The following KMT2C variants were observed in gnomAD, a reference collection of about 807,000 sequenced individuals.
KMT2C encodes the protein histone-lysine N-methyltransferase 2C.
KMT2C carries 88 observed loss-of-function variants against 507.9 expected under a neutral mutation model. That is an observed-to-expected ratio of 0.17 (90% CI 0.15 to 0.21). The LOEUF (loss-of-function observed/expected upper bound fraction) is 0.21. Ranked by LOEUF, KMT2C falls within the 10% of genes least tolerant of loss-of-function variation. The pLI, the probability that KMT2C is intolerant of heterozygous loss-of-function variation, is 1.00. For missense variants in KMT2C, 4,954 were observed against 5,957.8 expected (o/e 0.83, Z 5.55); for synonymous variants, 2,049 against 2,080.8 (o/e 0.98, Z 0.42).
intron 1 of KMT2C, among the ~76,000 whole-genome samples, chr7:152,433,887 G>T (rs113978329): frequency 1.6e-3 from 241 of 152,410 alleles, no homozygotes; most frequent in African/African-American, 5.5e-3. Flanking sequence ...GCACAAGCAC[G>T]CCCTTACAGG....
intron 1 of KMT2C, among the ~76,000 whole-genome samples, chr7:152,416,361 C>T (rs1379874485): frequency 1.3e-5 from 2 of 152,304 alleles, no homozygotes; most frequent in Non-Finnish European, 2.9e-5. Context: ...CTAGCTAACA[C>T]GGTGAAACCC....
At chr7:152,263,596 A>G (rs2095815552) in intron 8 of KMT2C, among the ~76,000 whole-genome samples, 1 of 152,216 alleles carries the variant, frequency 6.6e-6, no homozygotes. Context: ...TAAACAACTT[A>G]GACTAAAGCT....
chr7:152,200,715 G>C (rs1402185177), intron 26 of KMT2C, among the ~76,000 whole-genome samples: 2 of 152,120 alleles, frequency 1.3e-5, no homozygotes, highest in Admixed American at 6.5e-5. Context: ...CAGTGACAGA[G>C]TGAGGCTGTC....
chr7:152,240,615 T>G (rs1342727171), intron 14 of KMT2C, among the ~76,000 whole-genome samples: 1 of 152,294 alleles, frequency 6.6e-6, no homozygotes, highest in Non-Finnish European at 1.5e-5. Context: ...CCTCTTAAGT[T>G]TGCCATGTTT....
At chr7:152,169,866 A>G (rs1356409461) in intron 40 of KMT2C, among the ~76,000 whole-genome samples, 3 of 152,164 alleles carry the variant, frequency 2.0e-5, no homozygotes, top group African/African-American at 7.2e-5. Flanking sequence ...AAAAATAAAT[A>G]AAAAGTATTT....
intron 55 of KMT2C, among the ~76,000 whole-genome samples, chr7:152,142,512 G>A (rs909216527): frequency 6.6e-6 from 1 of 152,206 alleles, no homozygotes; most frequent in African/African-American, 2.4e-5. Context: ...TGCAGTAAGA[G>A]ACTTTTTAGA....
intron 37 of KMT2C, among the ~76,000 whole-genome samples, chr7:152,179,059 C>T (rs561010149): frequency 1.3e-5 from 2 of 152,142 alleles, no homozygotes; most frequent in East Asian, 1.9e-4. Context: ...GGCGTGACCT[C>T]GGCTCACTGC....
At position 152,163,184 on chromosome 7, in the gene KMT2C, G is replaced by A; in HGVS notation, c.10393C>T (p.Pro3465Ser). The A allele has an allele frequency of 1.2e-6, 2 of 1,614,188 alleles. No homozygotes were observed. Among genetic ancestry groups the A allele is most frequent in the Non-Finnish European group, 1.7e-6 (2 of 1,180,030 alleles). ...GGAGACTGCTGAAGGGGTCCTAGAGGTTGCATAAAATCACAAGGTAAGTCG... is the reference window on the plus strand; with the variant it reads ...GGAGACTGCTGAAGGGGTCCTAGAGATTGCATAAAATCACAAGGTAAGTCG... Reference protein sequence around the residue: ...SSDLPCDFMQPLGPLQQSPQH... With the variant: ...SSDLPCDFMQSLGPLQQSPQH... Residue 3465 changes from proline to serine, a missense_variant, in exon 43 of 59, where the codon CCT becomes TCT. Coordinates refer to ENST00000262189, the MANE Select transcript of KMT2C (RefSeq NM_170606.3).
chr7:152,354,772 G>A (rs935233627), intron 2 of KMT2C, among the ~76,000 whole-genome samples: 1 of 152,162 alleles, frequency 6.6e-6, no homozygotes, highest in African/African-American at 2.4e-5. Flanking sequence ...GGAGCCCAGT[G>A]AACAAGGGAA....
chr7:152,290,267 TATATATATATATATATATATATATATA>T (rs2096394366), intron 6 of KMT2C, among the ~76,000 whole-genome samples: 2 of 23,502 alleles, frequency 8.5e-5, no homozygotes, highest in Non-Finnish European at 1.6e-4. Context: ...TGTATATATA[TATATATATATATATATATATATATATA>T]TTTTTTTTTT....
At chr7:152,142,791 C>A (rs1265463350) in intron 55 of KMT2C, among the ~76,000 whole-genome samples, 1 of 152,136 alleles carries the variant, frequency 6.6e-6, no homozygotes, top group Non-Finnish European at 1.5e-5. Context: ...CGAGAGGGAC[C>A]TCTGATTATT....
At chr7:152,337,499 G>A (rs1022461306) in intron 2 of KMT2C, among the ~76,000 whole-genome samples, 16 of 152,076 alleles carry the variant, frequency 1.1e-4, no homozygotes, top group Admixed American at 9.8e-4. Context: ...TACACAAATT[G>A]GTTCTAAGAC....
intron 6 of KMT2C, among the ~76,000 whole-genome samples, chr7:152,306,986 T>C (rs571445274): frequency 6.6e-6 from 1 of 152,172 alleles, no homozygotes; most frequent in Non-Finnish European, 1.5e-5. Context: ...CAGCAGAACC[T>C]AGCCTCTACA....
chr7:152,271,855 G>A (rs938988720), intron 7 of KMT2C, among the ~76,000 whole-genome samples: 1 of 151,946 alleles, frequency 6.6e-6, no homozygotes, highest in Non-Finnish European at 1.5e-5. Context: ...GTGATGTCTT[G>A]TTATTATTAT....
rs869073980 is a variant in KMT2C, at chr7:152,290,294, A to AT, written c.850-16428dup. ...TATATATATATATATATATATATATATTTTTTTTTTTTTTTTTTTTTTTTT... is the reference window on the plus strand; with the variant it reads ...TATATATATATATATATATATATATATTTTTTTTTTTTTTTTTTTTTTTTTT... On this transcript the variant is annotated intron_variant, in intron 6 of 58. Transcript: ENST00000262189. 2.5e-3 allele frequency among the ~76,000 whole-genome samples: 53 copies of AT among 21,410 alleles called. 8 individuals carry two copies. The highest frequency in any genetic ancestry group is 7.4e-3 in the South Asian group (2 of 272). 14.0% of individuals were successfully genotyped at this position (21,410 alleles called of 152,430 possible).
intron 38 of KMT2C, among the ~76,000 whole-genome samples, 163 bp downstream of exon 38, chr7:152,176,028 G>GT (rs2093191453): frequency 6.6e-6 from 1 of 152,164 alleles, no homozygotes; most frequent in Non-Finnish European, 1.5e-5. Context: ...GGGTGACACA[G>GT]TGAGACTCCG....
chr7:152,174,781 T>C (rs2093121958), intron 38 of KMT2C, among the ~76,000 whole-genome samples: 1 of 152,204 alleles, frequency 6.6e-6, no homozygotes, highest in South Asian at 2.1e-4. Flanking sequence ...GCACACTGCT[T>C]AGACACGTGC....
In KMT2C at chr7:152,204,636, T is replaced by TAGACAGAC. The variant is rs71198765; in HGVS notation, c.3961+462_3961+469dup. Among the ~76,000 whole-genome samples, 226 of 127,570 alleles carry TAGACAGAC rather than the reference T, an allele frequency of 1.8e-3. 1 individual carries two copies. The highest frequency in any genetic ancestry group is 7.3e-3 in the South Asian group (29 of 3,980). The allele number at this position is 127,570 out of a possible 152,430, so 83.7% of individuals were successfully genotyped here. On this transcript the variant is annotated intron_variant, in intron 25 of 58. Coordinates refer to ENST00000262189, the MANE Select transcript of KMT2C (RefSeq NM_170606.3). ...ATAGATAGATAGATAGATAGATAGA[T>TAGACAGAC]AGACAGACAGATACATAAATAGATA...
chr7:152,435,154 CCCCCAGCCCGCG>C (rs1226914812), intron 1 of KMT2C, among the ~76,000 whole-genome samples: 31 of 152,274 alleles, frequency 2.0e-4, no homozygotes, highest in Admixed American at 3.3e-4. Context: ...TTTCTTCTCG[CCCCCAGCCCGCG>C]CCCCGAGACC....
Sources: gnomAD v4.1 joint callset for allele counts (sites outside exome capture counted in the v4.1 genomes callset) on GRCh38, gnomAD v4.1.1 for gene constraint, MANE v1.5 for transcripts, NCBI Gene and HGNC (gene_info 2026-07-23, HGNC 2026-07-21) for gene names.